ZNF391: variants seen among roughly 807,000 people sequenced by gnomAD.
ZNF391 encodes the protein zinc finger protein 391.
For synonymous variants in ZNF391, 126 were observed against 142.1 expected, an observed-to-expected ratio of 0.89 and a Z score of 0.80; for missense variants, 375 against 425.5, an observed-to-expected ratio of 0.88 and a Z score of 1.04.
chr6:27,401,340 C>T lies in ZNF391; in HGVS notation c.970C>T (p.Gln324Ter). The change falls in exon 3 of 3, where the codon CAG becomes TAG. Residue 324 changes from glutamine (Q) to a stop codon, truncating the protein, a stop_gained. Transcript: ENST00000244576. LOFTEE classifies it low-confidence loss of function (END_TRUNC). ...FSRSSSLIIH[Q>*]RTHTGEKPYK... ...TCGAAGCTCATCCCTTATTATTCATCAGAGAACTCATACCGGGGAGAAGCC... is the reference window on the plus strand; with the variant it reads ...TCGAAGCTCATCCCTTATTATTCATTAGAGAACTCATACCGGGGAGAAGCC... 1 of 1,614,110 alleles carries T rather than the reference C, an allele frequency of 6.2e-7. No homozygotes were observed.
At chr6:27,390,048 C>T (rs1249546087) in intron 1 of ZNF391, among the ~76,000 whole-genome samples, 1 of 152,212 alleles carries the variant, frequency 6.6e-6, no homozygotes, top group Admixed American at 6.5e-5. Flanking sequence ...TGTGATTAAA[C>T]TGAGGCTGCC....
upstream of ZNF391, among the ~76,000 whole-genome samples, chr6:27,385,357 G>A (rs1213734878): frequency 6.6e-6 from 1 of 152,062 alleles, no homozygotes. Flanking sequence ...ACCATTTTAA[G>A]GCAGAGATTG....
chr6:27,394,694 G>A (rs1761786210), intron 1 of ZNF391, among the ~76,000 whole-genome samples: 1 of 152,206 alleles, frequency 6.6e-6, no homozygotes, highest in Non-Finnish European at 1.5e-5. Context: ...AGATCCACCA[G>A]CAGCTTAGAC....
intron 1 of ZNF391, among the ~76,000 whole-genome samples, chr6:27,382,531 C>A (rs1300272199): frequency 6.6e-6 from 1 of 152,072 alleles, no homozygotes; most frequent in Non-Finnish European, 1.5e-5. Flanking sequence ...GAACAAGCAT[C>A]GGAACCAGAC....
At chr6:27,385,667 A>AT (rs1485491101), upstream of ZNF391, among the ~76,000 whole-genome samples, 2 of 152,202 alleles carry the variant, frequency 1.3e-5, no homozygotes, top group Non-Finnish European at 2.9e-5. Flanking sequence ...GAAGGAAGAG[A>AT]TGCATCTACT....
intron 1 of ZNF391, among the ~76,000 whole-genome samples, chr6:27,380,570 T>C (rs1240986745): frequency 6.6e-6 from 1 of 152,250 alleles, no homozygotes; most frequent in Non-Finnish European, 1.5e-5. Context: ...GGGTTGCCAC[T>C]GCTGGCTCGG....
At position 27,376,530 on chromosome 6, in the gene ZNF391, C is replaced by G. The variant is rs1400837432; in HGVS notation, n.523+1393C>G. 1.3e-5 allele frequency among the ~76,000 whole-genome samples: 2 copies of G among 152,156 alleles called. No homozygotes were observed. Among genetic ancestry groups the G allele is most frequent in the Non-Finnish European group, 2.9e-5 (2 of 68,034 alleles). On this transcript the variant is annotated intron_variant and non_coding_transcript_variant, in intron 1 of 2. Coordinates refer to the ZNF391 transcript ENST00000477999. The surrounding 1 kb of genome is among the most constrained non-coding windows in gnomAD (Gnocchi z 4.7). The stretch of plus-strand genomic sequence containing the variant: ...ACGTATGTGTGTATGTGCTCTCTAA[C>G]TCCTCTGCCTGATCTTGTATACATC...
chr6:27,386,583 A>G (rs555178045), upstream of ZNF391, among the ~76,000 whole-genome samples: 3 of 152,290 alleles, frequency 2.0e-5, no homozygotes, highest in South Asian at 6.2e-4. Flanking sequence ...TAGAAAAGAG[A>G]GCCCAGAAAT....
intron 1 of ZNF391, among the ~76,000 whole-genome samples, chr6:27,389,814 CA>C (rs1288509947): frequency 1.3e-5 from 1 of 79,664 alleles, no homozygotes; most frequent in South Asian, 3.7e-4. Flanking sequence ...CCCTCCCCCC[CA>C]AAAAAGAGAA....
intron 1 of ZNF391, chr6:27,395,230 A>C (rs565243313): frequency 3.9e-5 from 6 of 152,026 alleles, no homozygotes; most frequent in Middle Eastern, 6.8e-3. Flanking sequence ...CTCATGTTGA[A>C]TTGTAATCAC....
At chr6:27,397,920 G>A (rs1019952659) in intron 1 of ZNF391, among the ~76,000 whole-genome samples, 1 of 152,128 alleles carries the variant, frequency 6.6e-6, no homozygotes, top group Admixed American at 6.6e-5. Context: ...ATGAGCCACT[G>A]CGCCCTCCAG....
upstream of ZNF391, among the ~76,000 whole-genome samples, chr6:27,384,470 A>G (rs1240313744): frequency 1.4e-5 from 1 of 70,674 alleles, no homozygotes; most frequent in Non-Finnish European, 3.5e-5. Context: ...TCTCAAAAAA[A>G]AAAAAAAAAA....
chr6:27,400,108 C>T (rs6915934), intron 2 of ZNF391, among the ~76,000 whole-genome samples, 185 bp from the exon 3 acceptor site: 108,315 of 152,042 alleles, frequency 0.71, 38,781 homozygotes, highest in Middle Eastern at 0.82. Flanking sequence ...TCACCATGCC[C>T]ACTGCAAAAA....
At chr6:27,378,173 C>G (rs945370917) in intron 1 of ZNF391, among the ~76,000 whole-genome samples, 2 of 152,046 alleles carry the variant, frequency 1.3e-5, no homozygotes, top group Non-Finnish European at 2.9e-5. Context: ...AATATATGTT[C>G]CTGAGTAAAA....
rs1178208020 is a variant in ZNF391 at position 27,401,166 on chromosome 6, G to T, written c.796G>T (p.Glu266Ter). The T allele has an allele frequency of 6.2e-7, 1 of 1,614,170 alleles. No homozygotes were observed. Among genetic ancestry groups the T allele is most frequent in the Admixed American group, 1.7e-5 (1 of 60,022 alleles). ...KAFSWISSLTEHQRTHTGENP... is the reference protein window; with the variant it reads ...KAFSWISSLT ...TTTCAGTTGGATCTCATCGCTTACT[G>T]AACATCAGAGAACACACACTGGGGA... The change falls in exon 3 of 3, where the codon GAA becomes TAA. Residue 266 changes from glutamate to a stop codon, truncating the protein, a stop_gained. Transcript: ENST00000244576. LOFTEE classifies it low-confidence loss of function (END_TRUNC).
At chr6:27,388,042 G>A (rs1761612390), upstream of ZNF391, among the ~76,000 whole-genome samples, 1 of 152,030 alleles carries the variant, frequency 6.6e-6, no homozygotes, top group Non-Finnish European at 1.5e-5. Flanking sequence ...CAGCTGTCAT[G>A]TATCAGACCT....
chr6:27,400,785 T>C lies in ZNF391; in HGVS notation c.415T>C (p.Cys139Arg), dbSNP rs202206704. 23 of 1,614,110 alleles carry C rather than the reference T, an allele frequency of 1.4e-5. No homozygotes were observed. The highest frequency in any genetic ancestry group is 1.2e-4 in the Admixed American group (7 of 60,008). Residue 139 changes from cysteine (C) to arginine (R), a missense_variant, in exon 3 of 3, where the codon TGC becomes CGC. Transcript: ENST00000244576. ...RIHGGEKPFE[C>R]NKCGKSFSRS... ...TCATGGTGGAGAAAAGCCTTTTGAA[T>C]GCAACAAATGTGGGAAATCTTTCAG...
intron 1 of ZNF391, among the ~76,000 whole-genome samples, chr6:27,381,666 A>G (rs1761511292): frequency 6.6e-6 from 1 of 152,172 alleles, no homozygotes; most frequent in Non-Finnish European, 1.5e-5. Context: ...TTGACCCAGG[A>G]GGAGGAGGCT....
intron 1 of ZNF391, among the ~76,000 whole-genome samples, chr6:27,396,615 A>C (rs1260644007): frequency 6.6e-6 from 1 of 152,092 alleles, no homozygotes; most frequent in African/African-American, 2.4e-5. Flanking sequence ...AGTCCCAGCT[A>C]CTTAGGAGGC....
Sources: allele counts gnomAD v4.1 joint callset (sites outside exome capture counted in the v4.1 genomes callset), GRCh38; gene constraint gnomAD v4.1.1; non-coding constraint Gnocchi (gnomAD v3.1); transcripts MANE v1.5; gene names NCBI Gene and HGNC (gene_info 2026-07-23, HGNC 2026-07-21).